ANKRD17: variants seen among roughly 807,000 people sequenced by gnomAD.
ANKRD17 encodes ankyrin repeat domain 17.
Under a neutral mutation model 229.7 loss-of-function variants are expected in ANKRD17, and 19 were observed. That is an observed-to-expected ratio of 0.08 (90% CI 0.06 to 0.12). ANKRD17 has a LOEUF of 0.12. Ranked by LOEUF, ANKRD17 falls within the 10% of genes least tolerant of loss-of-function variation. The pLI is 1.00. For missense variants in ANKRD17, 2,176 were observed against 3,176.8 expected, an observed-to-expected ratio of 0.68 and a Z score of 7.57; for synonymous variants, 1,112 against 1,146.1, an observed-to-expected ratio of 0.97 and a Z score of 0.60.
chr4:73,117,838 A>G (rs1726159082), intron 22 of ANKRD17, among the ~76,000 whole-genome samples: 1 of 152,230 alleles, frequency 6.6e-6, no homozygotes, highest in African/African-American at 2.4e-5. Flanking sequence ...CCATTAAATC[A>G]AATTACTTAC....
chr4:73,166,167 A>C (rs527996541), intron 2 of ANKRD17, among the ~76,000 whole-genome samples: 2 of 152,360 alleles, frequency 1.3e-5, no homozygotes, highest in African/African-American at 4.8e-5. Flanking sequence ...AGACTTTCCA[A>C]TTTAGCTTTT....
chr4:73,241,473 T>C (rs907731414), intron 1 of ANKRD17, among the ~76,000 whole-genome samples: 2 of 152,166 alleles, frequency 1.3e-5, no homozygotes, highest in Admixed American at 6.5e-5. Flanking sequence ...TCGAGAATAG[T>C]ATATTAACTA....
chr4:73,221,488 A>C (rs903260531), intron 1 of ANKRD17, among the ~76,000 whole-genome samples: 1 of 152,292 alleles, frequency 6.6e-6, no homozygotes, highest in East Asian at 1.9e-4. Context: ...GATTTATCAA[A>C]ATCTCCAAAG....
chr4:73,256,844 G>T (rs1745498318), intron 1 of ANKRD17, among the ~76,000 whole-genome samples: 1 of 152,138 alleles, frequency 6.6e-6, no homozygotes, highest in Non-Finnish European at 1.5e-5. Context: ...GGCTAAAAGG[G>T]AATAAAAACA....
chr4:73,219,695 T>C (rs1741598964), intron 1 of ANKRD17, among the ~76,000 whole-genome samples: 1 of 152,186 alleles, frequency 6.6e-6, no homozygotes, highest in South Asian at 2.1e-4. Flanking sequence ...TTTTATTTTA[T>C]ATACCACAAC....
chr4:73,181,985 T>C (rs1688959007), intron 1 of ANKRD17, among the ~76,000 whole-genome samples: 1 of 125,280 alleles, frequency 8.0e-6, no homozygotes. Context: ...GAGGTGAAGG[T>C]TGCAGTGAGC....
intron 1 of ANKRD17, among the ~76,000 whole-genome samples, chr4:73,220,902 T>C (rs926204996): frequency 6.6e-6 from 1 of 152,112 alleles, no homozygotes; most frequent in African/African-American, 2.4e-5. Flanking sequence ...GAGTTATCCC[T>C]GTGGGGGGTA....
chr4:73,135,365 T>G, intron 15 of ANKRD17, 100 bp from the exon 16 acceptor site: 1 of 1,200,136 alleles, frequency 8.3e-7, no homozygotes, highest in Non-Finnish European at 1.2e-6. Context: ...TAAAACAATA[T>G]GTCTACAGGA....
In ANKRD17 at chr4:73,206,404, A is replaced by AAGAG. The variant is rs1560721514; in HGVS notation, c.394-28875_394-28872dup. On this transcript the variant is annotated intron_variant, in intron 1 of 33. Coordinates refer to ENST00000358602, the MANE Select transcript of ANKRD17 (RefSeq NM_032217.5). ...CTATATACACAATAGAACAGAAAGA[A>AAGAG]AGAGAGAGAGAGAAAGAAAGTGAGA... Among the ~76,000 whole-genome samples, 6 of 148,968 alleles carry AAGAG rather than the reference A, an allele frequency of 4.0e-5. No individual in the cohort carries two copies. In the South Asian group the frequency reaches 1.3e-3, roughly 33 times the overall value.
chr4:73,111,023 G>A (rs1725250269), intron 24 of ANKRD17, among the ~76,000 whole-genome samples: 1 of 152,092 alleles, frequency 6.6e-6, no homozygotes, highest in Admixed American at 6.6e-5. Flanking sequence ...ATTGCTAATG[G>A]TACTAGGAAA....
At chr4:73,119,597 G>A (rs997685725) in intron 21 of ANKRD17, among the ~76,000 whole-genome samples, 1 of 152,232 alleles carries the variant, frequency 6.6e-6, no homozygotes, top group South Asian at 2.1e-4. Flanking sequence ...TGGTTAGTAA[G>A]AGTTAACAGC....
intron 1 of ANKRD17, among the ~76,000 whole-genome samples, chr4:73,182,016 C>G (rs1365277761): frequency 8.4e-6 from 1 of 119,430 alleles, no homozygotes. Context: ...CCACTGCACT[C>G]CAGCCTGGGC....
At chr4:73,184,473 G>A (rs1176545494) in intron 1 of ANKRD17, among the ~76,000 whole-genome samples, 14 of 137,730 alleles carry the variant, frequency 1.0e-4, no homozygotes, top group African/African-American at 3.2e-4. Flanking sequence ...AGGTTGCTGT[G>A]AGCCAAGATA....
At position 73,145,902 on chromosome 4, in the gene ANKRD17, G is replaced by T. The variant is rs905384883; in HGVS notation, c.1869+862C>A. Among the ~76,000 whole-genome samples the T allele has an allele frequency of 4.6e-5, 7 of 151,976 alleles. 1 individual carries two copies. Among genetic ancestry groups the T allele is most frequent in the Non-Finnish European group, 8.8e-5 (6 of 67,976 alleles). On this transcript the variant is annotated intron_variant, in intron 10 of 33. Transcript: ENST00000358602. The stretch of plus-strand genomic sequence containing the variant: ...AGTTTATAAAATTAATTACTGAAGG[G>T]GGGCTTGTTGCTGCCTGCACATGAA...
rs76840200 is a variant in ANKRD17, at chr4:73,202,091, C to T, written c.394-24558G>A. Among the ~76,000 whole-genome samples the T allele has an allele frequency of 9.2e-4, 140 of 152,134 alleles. 1 individual carries two copies. Among genetic ancestry groups the T allele is most frequent in the East Asian group, 4.4e-3 (23 of 5,172 alleles). Reference sequence around the variant, plus strand: ...AATTTGCCACAGCACAGTAGGTCTACTTTAGCATAATTCTCTCCACCAATC... The same window carrying T: ...AATTTGCCACAGCACAGTAGGTCTATTTTAGCATAATTCTCTCCACCAATC... On this transcript the variant is annotated intron_variant, in intron 1 of 33. Transcript: ENST00000358602.
chr4:73,149,667 G>A (rs761918667), intron 7 of ANKRD17, among the ~76,000 whole-genome samples: 1 of 152,058 alleles, frequency 6.6e-6, no homozygotes, highest in Non-Finnish European at 1.5e-5. Flanking sequence ...AGGAGTTTGA[G>A]CCAGGCCTGG....
chr4:73,113,275 C>T (rs1325531464), intron 24 of ANKRD17: 2 of 1,289,094 alleles, frequency 1.6e-6, no homozygotes, highest in African/African-American at 1.5e-5. Context: ...GTATTTTACT[C>T]CCCATGGGAA....
chr4:73,083,922 T>G (rs369267728), intron 30 of ANKRD17, among the ~76,000 whole-genome samples: 4 of 151,250 alleles, frequency 2.6e-5, no homozygotes, highest in African/African-American at 4.9e-5. Context: ...TAGAAGAAAT[T>G]TGATAGTTAA....
intron 29 of ANKRD17, among the ~76,000 whole-genome samples, chr4:73,088,140 A>T (rs968949048): frequency 1.3e-5 from 2 of 152,338 alleles, no homozygotes; most frequent in South Asian, 2.1e-4. Flanking sequence ...AATACAAACT[A>T]TAAAAACAGA....
Sources: allele counts gnomAD v4.1 joint callset (sites outside exome capture counted in the v4.1 genomes callset), GRCh38; gene constraint gnomAD v4.1.1; transcripts MANE v1.5; gene names NCBI Gene and HGNC (gene_info 2026-07-23, HGNC 2026-07-21).